ULK4: variants seen among roughly 807,000 people sequenced by gnomAD.
ULK4 encodes the protein unc-51 like kinase 4.
A neutral mutation model predicts 160.6 loss-of-function variants in ULK4; 133 were observed. That is an observed-to-expected ratio of 0.83 (90% CI 0.72 to 0.96). ULK4 has a LOEUF of 0.96. Ranked by LOEUF, ULK4 falls within the 40% of genes least tolerant of loss-of-function variation. ULK4 has a pLI of 0.00. For synonymous variants in ULK4, 534 were observed against 539.8 expected, an observed-to-expected ratio of 0.99 and a Z score of 0.15; for missense variants, 1,580 against 1,499.5, an observed-to-expected ratio of 1.05 and a Z score of -0.89.
At chr3:41,900,967 G>T in intron 12 of ULK4, 138 bp from the exon 13 acceptor site, 1 of 552,400 alleles carries the variant, frequency 1.8e-6, no homozygotes. Flanking sequence ...ATTCAAGATG[G>T]TTGCAGTCTC....
At chr3:41,544,816 T>G (rs2086805292) in intron 32 of ULK4, among the ~76,000 whole-genome samples, 1 of 152,096 alleles carries the variant, frequency 6.6e-6, no homozygotes, top group Admixed American at 6.6e-5. Flanking sequence ...AAATTTTTAG[T>G]CGGGGGTTCC....
intron 31 of ULK4, among the ~76,000 whole-genome samples, chr3:41,600,180 C>T (rs1297424535): frequency 6.6e-6 from 1 of 152,154 alleles, no homozygotes; most frequent in African/African-American, 2.4e-5. Flanking sequence ...ATTCCATCCA[C>T]CTATCCACCA....
chr3:41,935,134 G>A (rs983780448), intron 4 of ULK4, among the ~76,000 whole-genome samples: 4 of 144,010 alleles, frequency 2.8e-5, no homozygotes, highest in Admixed American at 7.2e-5. Context: ...TCCCTGCCTC[G>A]GCCTCCCAAG....
At position 41,420,475 on chromosome 3, in the gene ULK4, C is replaced by CTTTTTTTTTTTTT. The variant is rs1165381982; in HGVS notation, c.3493-22224_3493-22212dup. On this transcript the variant is annotated intron_variant, in intron 34 of 36. Coordinates refer to ENST00000301831, the MANE Select transcript of ULK4 (RefSeq NM_017886.4). ...GGATTTTTCAGTTTTCCAGTTCTTT[C>CTTTTTTTTTTTTT]TTTTTTTTTTTTTTTTTTTTTTTTT... Among the ~76,000 whole-genome samples the CTTTTTTTTTTTTT allele has an allele frequency of 4.7e-3, 194 of 41,182 alleles. 24 individuals are homozygous for CTTTTTTTTTTTTT. Among genetic ancestry groups the CTTTTTTTTTTTTT allele is most frequent in the African/African-American group, 5.7e-3 (57 of 10,048 alleles). 27.0% of individuals were successfully genotyped at this position (41,182 alleles called of 152,430 possible). A position where few individuals can be genotyped will look rare whatever the true frequency, so the allele number is the denominator to read the frequency against.
chr3:41,490,921 T>C (rs1495697), intron 32 of ULK4, among the ~76,000 whole-genome samples: 62,457 of 152,030 alleles, frequency 0.41, 13,014 homozygotes, highest in African/African-American at 0.44. Flanking sequence ...AATAAATGTC[T>C]GTGTAAGGAA....
intron 35 of ULK4, among the ~76,000 whole-genome samples, chr3:41,321,010 C>CT (rs1235823520): frequency 1.1e-3 from 169 of 148,560 alleles, no homozygotes; most frequent in African/African-American, 2.6e-3. Context: ...ATCTCACTGC[C>CT]TTTTTTTTTT....
intron 19 of ULK4, among the ~76,000 whole-genome samples, chr3:41,819,106 T>A (rs1018113414): frequency 3.9e-5 from 6 of 152,176 alleles, no homozygotes; most frequent in Non-Finnish European, 8.8e-5. Flanking sequence ...CTTACTAAAC[T>A]AGTGTATCAA....
intron 30 of ULK4, among the ~76,000 whole-genome samples, chr3:41,629,824 CTA>C (rs2033673717): frequency 7.7e-6 from 1 of 129,976 alleles, no homozygotes; most frequent in African/African-American, 3.9e-5. Flanking sequence ...AAGCTGGTCT[CTA>C]TAAAAAAAAA....
At chr3:41,401,294 T>G (rs2082173593) in intron 34 of ULK4, among the ~76,000 whole-genome samples, 1 of 152,152 alleles carries the variant, frequency 6.6e-6, no homozygotes, top group African/African-American at 2.4e-5. Flanking sequence ...CCACTTAATT[T>G]TGGGTTTTTA....
chr3:41,769,277 G>A (rs1377109883), intron 21 of ULK4, among the ~76,000 whole-genome samples: 1 of 152,104 alleles, frequency 6.6e-6, no homozygotes, highest in Non-Finnish European at 1.5e-5. Context: ...TAGTTGCCTA[G>A]GATTCTATAT....
At chr3:41,375,588 T>C (rs1370762253) in intron 35 of ULK4, among the ~76,000 whole-genome samples, 1 of 150,072 alleles carries the variant, frequency 6.7e-6, no homozygotes, top group Non-Finnish European at 1.5e-5. Flanking sequence ...TGCAGAAAAC[T>C]GAAACTGTAC....
At chr3:41,406,750 A>G (rs1157881102) in intron 34 of ULK4, among the ~76,000 whole-genome samples, 2 of 152,000 alleles carry the variant, frequency 1.3e-5, no homozygotes, top group Non-Finnish European at 2.9e-5. Context: ...AATTTATTTT[A>G]CTCCCTGATT....
intron 32 of ULK4, among the ~76,000 whole-genome samples, chr3:41,475,559 T>C (rs1008656784): frequency 2.0e-5 from 3 of 152,224 alleles, no homozygotes; most frequent in Non-Finnish European, 2.9e-5. Flanking sequence ...TTCCACATTA[T>C]ATTCATAAAT....
At chr3:41,824,298 G>C (rs2041261355) in intron 18 of ULK4, among the ~76,000 whole-genome samples, 1 of 152,068 alleles carries the variant, frequency 6.6e-6, no homozygotes, top group Non-Finnish European at 1.5e-5. Context: ...CATCTCACTG[G>C]GGAGTGTCGG....
chr3:41,885,948 G>T (rs1439004023), intron 16 of ULK4, among the ~76,000 whole-genome samples: 1 of 152,052 alleles, frequency 6.6e-6, no homozygotes, highest in African/African-American at 2.4e-5. Context: ...AAAGTGCTAG[G>T]ATTACAGGTG....
intron 11 of ULK4, among the ~76,000 whole-genome samples, chr3:41,908,370 T>C (rs1698654047): frequency 1.3e-5 from 2 of 152,200 alleles, no homozygotes; most frequent in Admixed American, 1.3e-4. Context: ...TTGTAATGAT[T>C]CTTCCTACAC....
intron 21 of ULK4, among the ~76,000 whole-genome samples, chr3:41,765,248 G>A (rs1200113332): frequency 6.6e-6 from 1 of 152,160 alleles, no homozygotes; most frequent in African/African-American, 2.4e-5. Context: ...ATGAGTTCAT[G>A]TCCTTTGTAG....
At chr3:41,574,529 CTCTTT>C (rs2088117154) in intron 31 of ULK4, among the ~76,000 whole-genome samples, 1 of 74,266 alleles carries the variant, frequency 1.3e-5, no homozygotes, top group Admixed American at 2.0e-4. Context: ...TACCAGAGTC[CTCTTT>C]TTTTTTTTTT....
intron 22 of ULK4, among the ~76,000 whole-genome samples, chr3:41,725,151 T>G (rs1430848417): frequency 6.6e-6 from 1 of 152,212 alleles, no homozygotes; most frequent in African/African-American, 2.4e-5. Flanking sequence ...AATGCTTTTG[T>G]GTTCTGTTAA....
Sources: allele counts gnomAD v4.1 joint callset (sites outside exome capture counted in the v4.1 genomes callset), GRCh38; gene constraint gnomAD v4.1.1; transcripts MANE v1.5; gene names NCBI Gene and HGNC (gene_info 2026-07-23, HGNC 2026-07-21).